NF1: variants seen among roughly 807,000 people sequenced by gnomAD.
The protein encoded by NF1 is neurofibromin 1.
NF1 carries 122 observed loss-of-function variants against 325.7 expected under a neutral mutation model. The ratio of observed to expected loss-of-function variants is 0.37; its 90% CI spans 0.32 to 0.44. The LOEUF is 0.44. Among genes scored for constraint, NF1 ranks in the 20% least tolerant of loss-of-function variants. The pLI is 1.00. For synonymous variants in NF1, 1,091 were observed against 1,186.0 expected, an observed-to-expected ratio of 0.92 and a Z score of 1.65; for missense variants, 2,140 against 3,415.4, an observed-to-expected ratio of 0.63 and a Z score of 9.31.
chr17:31,236,597 G>A lies in NF1; in HGVS notation c.3974+576G>A, dbSNP rs1375806025. Among the ~76,000 whole-genome samples, 5 of 148,872 alleles carry A rather than the reference G, an allele frequency of 3.4e-5. No individual in the cohort carries two copies. The East Asian group carries it at 5.8e-4, about 17-fold the overall frequency. ...TGGGATTACAGGTGTGCGCCACCAC[G>A]CCCAGGTAATTTTTTTTTTTTTTTT... On this transcript the variant is annotated intron_variant, in intron 29 of 57. Transcript: ENST00000358273.
chr17:31,182,929 G>A (rs375002032), intron 8 of NF1: 2 of 597,002 alleles, frequency 3.4e-6, no homozygotes, highest in African/African-American at 1.9e-5. Context: ...AAGACTAAAC[G>A]ATACCTCTGT....
chr17:31,151,894 T>A (rs115578835), intron 1 of NF1, among the ~76,000 whole-genome samples: 2,705 of 152,282 alleles, frequency 0.018, 67 homozygotes, highest in African/African-American at 0.061. Context: ...CTTCTTTTTT[T>A]AATTATACTT....
intron 32 of NF1, 59 bp from the exon 33 acceptor site, chr17:31,258,973 A>G: frequency 9.0e-7 from 1 of 1,113,650 alleles, no homozygotes; most frequent in Non-Finnish European, 1.3e-6. Context: ...GAATGTCTTA[A>G]TGTATAGACT....
intron 1 of NF1, among the ~76,000 whole-genome samples, chr17:31,130,724 C>T (rs974520278): frequency 1.3e-4 from 20 of 152,132 alleles, no homozygotes; most frequent in Admixed American, 7.2e-4. Context: ...GGTGTACTCA[C>T]GCTGGCTGCA....
Position 31,123,402 on chromosome 17 carries a change from C to T in NF1, c.60+28033C>T, listed in dbSNP as rs530822404. Among the ~76,000 whole-genome samples, 3 of 152,212 alleles carry T rather than the reference C, an allele frequency of 2.0e-5. No individual in the cohort carries two copies. In the South Asian group the frequency reaches 6.2e-4, roughly 32 times the overall value. On this transcript the variant is annotated intron_variant, in intron 1 of 57. Coordinates refer to ENST00000358273, the MANE Select transcript of NF1 (RefSeq NM_001042492.3). ...CCATTTTCATTTTTAGCATTAGCTG[C>T]ATTATTTCTTTATACAACTAGGAAA... is the stretch of plus-strand genomic sequence containing the variant.
At chr17:31,230,161 C>T (rs1291729016) in intron 22 of NF1, 99 bp from the exon 23 acceptor site, 1 of 1,465,580 alleles carries the variant, frequency 6.8e-7, no homozygotes, top group Non-Finnish European at 9.4e-7. Context: ...TGTTTTCAAA[C>T]TTACATTTAA....
chr17:31,262,246 C>G (rs2067699145), intron 35 of NF1, among the ~76,000 whole-genome samples: 1 of 152,136 alleles, frequency 6.6e-6, no homozygotes, highest in Non-Finnish European at 1.5e-5. Context: ...GACTTCTCTA[C>G]TACACTATAA....
In NF1 at chr17:31,182,548, T is replaced by C. The variant is rs766932517; in HGVS notation, c.771T>C (p.Ala257=). Residue 257 remains alanine (A), a synonymous_variant, in exon 8 of 58, where the codon GCT becomes GCC. Coordinates refer to ENST00000358273, the MANE Select transcript of NF1 (RefSeq NM_001042492.3). The stretch of plus-strand genomic sequence containing the variant: ...TATTTGACTTGGTGGATGGTTTTGC[T>C]GAAAGCACCAAACGTAAAGCAGCAG... The part of the protein sequence containing the change: ...EKLFDLVDGF[A]ESTKRKAAVW... 1 of 1,614,112 alleles carries C rather than the reference T, an allele frequency of 6.2e-7. No individual in the cohort carries two copies. The highest frequency in any genetic ancestry group is 1.6e-4 in the Middle Eastern group (1 of 6,062).
At chr17:31,328,664 A>T (rs2069407071) in intron 38 of NF1, among the ~76,000 whole-genome samples, 1 of 152,150 alleles carries the variant, frequency 6.6e-6, no homozygotes, top group Admixed American at 6.6e-5. Flanking sequence ...CCAAGTTAGG[A>T]TAATTCTTTG....
At chr17:31,364,779 G>T (rs1350547713) in intron 57 of NF1, among the ~76,000 whole-genome samples, 1 of 152,188 alleles carries the variant, frequency 6.6e-6, no homozygotes, top group Non-Finnish European at 1.5e-5. Context: ...GCCAGTGACT[G>T]TACCTGGGAT....
At chr17:31,245,521 T>G (rs1238744559) in intron 29 of NF1, among the ~76,000 whole-genome samples, 1 of 152,244 alleles carries the variant, frequency 6.6e-6, no homozygotes, top group Non-Finnish European at 1.5e-5. Flanking sequence ...TACCTGTGCT[T>G]CTCACAACTT....
chr17:31,186,218 C>G (rs1477607266), intron 8 of NF1, among the ~76,000 whole-genome samples: 1 of 152,192 alleles, frequency 6.6e-6, no homozygotes, highest in African/African-American at 2.4e-5. Context: ...ACTCATGCCA[C>G]CGTACCTTCT....
intron 47 of NF1, 110 bp from the exon 48 acceptor site, chr17:31,342,899 A>G (rs1597851055): frequency 7.3e-7 from 1 of 1,372,704 alleles, no homozygotes; most frequent in Non-Finnish European, 1.0e-6. Context: ...ATTTCTCTCA[A>G]ATTGAAAGGA....
intron 4 of NF1, among the ~76,000 whole-genome samples, chr17:31,165,101 A>G (rs977633643): frequency 1.3e-5 from 2 of 152,240 alleles, no homozygotes; most frequent in African/African-American, 2.4e-5. Context: ...CTTGTAGTCT[A>G]TCAATGCATG....
At chr17:31,354,332 A>G (rs1476591663) in intron 51 of NF1, among the ~76,000 whole-genome samples, 2 of 152,220 alleles carry the variant, frequency 1.3e-5, no homozygotes, top group Non-Finnish European at 2.9e-5. Flanking sequence ...TAGCAGGATA[A>G]GTAGGGGCAT....
At chr17:31,343,956 T>TAAA (rs35923147) in intron 48 of NF1, among the ~76,000 whole-genome samples, 2 of 126,404 alleles carry the variant, frequency 1.6e-5, no homozygotes. Context: ...ACCCTGCCTT[T>TAAA]AAAAAAAAAA....
At chr17:31,234,070 C>G (rs2067159362) in intron 27 of NF1, among the ~76,000 whole-genome samples, 1 of 152,184 alleles carries the variant, frequency 6.6e-6, no homozygotes, top group Admixed American at 6.5e-5. Flanking sequence ...GCTGCCACCA[C>G]CTGAAATGCT....
intron 1 of NF1, among the ~76,000 whole-genome samples, chr17:31,145,880 A>G (rs1240448738): frequency 6.6e-6 from 1 of 152,212 alleles, no homozygotes; most frequent in African/African-American, 2.4e-5. Flanking sequence ...TAGGAAGATT[A>G]TGAATTAAGC....
chr17:31,293,417 G>A (rs1351664688), intron 36 of NF1, among the ~76,000 whole-genome samples: 1 of 151,970 alleles, frequency 6.6e-6, no homozygotes, highest in East Asian at 1.9e-4. Context: ...AAATAATCCT[G>A]TTTCTTCATG....
Sources: gnomAD v4.1 joint callset for allele counts (sites outside exome capture counted in the v4.1 genomes callset) on GRCh38, gnomAD v4.1.1 for gene constraint, MANE v1.5 for transcripts, NCBI Gene and HGNC (gene_info 2026-07-23, HGNC 2026-07-21) for gene names.